WWOX: variants seen among roughly 807,000 people sequenced by gnomAD.
The protein encoded by WWOX is WW domain-containing oxidoreductase.
In WWOX, 69 loss-of-function variants were observed where a neutral mutation model predicts 46.2. The observed-to-expected ratio is 1.49, with a 90% CI of 1.23 to 1.82. WWOX has a LOEUF of 1.82. WWOX is among the 40% of genes most tolerant of loss of function. The pLI is 0.00. For missense variants in WWOX, 919 were observed against 542.6 expected, an observed-to-expected ratio of 1.69 and a Z score of -6.89; for synonymous variants, 359 against 202.6, an observed-to-expected ratio of 1.77 and a Z score of -6.56.
At chr16:78,651,846 C>A (rs899122103) in intron 8 of WWOX, among the ~76,000 whole-genome samples, 1 of 152,126 alleles carries the variant, frequency 6.6e-6, no homozygotes, top group Non-Finnish European at 1.5e-5. Context: ...CTTATTCTTT[C>A]GGAGCCTTAG....
At chr16:78,855,725 G>T (rs1381623153) in intron 8 of WWOX, among the ~76,000 whole-genome samples, 1 of 152,162 alleles carries the variant, frequency 6.6e-6, no homozygotes, top group African/African-American at 2.4e-5. Flanking sequence ...GGGGTGGAGA[G>T]AGACGCACCA....
At chr16:79,160,367 C>T (rs143659361) in intron 8 of WWOX, among the ~76,000 whole-genome samples, 32 of 152,258 alleles carry the variant, frequency 2.1e-4, no homozygotes, top group African/African-American at 7.0e-4. Flanking sequence ...TACCTAGTCC[C>T]GGCTCCACCT....
chr16:79,211,039 G>GTGTGTGTC (rs2051722553), intron 8 of WWOX, among the ~76,000 whole-genome samples: 2 of 144,748 alleles, frequency 1.4e-5, no homozygotes, highest in Admixed American at 6.8e-5. Context: ...TGAGGAGTGT[G>GTGTGTGTC]TGTGTGTGTG....
chr16:78,801,713 T>A (rs8056513), intron 8 of WWOX, among the ~76,000 whole-genome samples: 2,370 of 152,290 alleles, frequency 0.016, 53 homozygotes, highest in East Asian at 0.056. Context: ...TCCGAGCAGG[T>A]GCACCCCCAT....
intron 5 of WWOX, among the ~76,000 whole-genome samples, chr16:78,381,875 C>G (rs1235599801): frequency 1.3e-5 from 2 of 151,844 alleles, no homozygotes; most frequent in Non-Finnish European, 2.9e-5. Context: ...TTTTTCTTTT[C>G]CTTTTTTACT....
chr16:78,281,509 G>T (rs1417638763), intron 5 of WWOX, among the ~76,000 whole-genome samples: 1 of 152,196 alleles, frequency 6.6e-6, no homozygotes, highest in Non-Finnish European at 1.5e-5. Flanking sequence ...GAAGTTTTGT[G>T]CAAGAGTCAG....
At chr16:78,119,310 G>A (rs966439608) in intron 4 of WWOX, among the ~76,000 whole-genome samples, 5 of 152,310 alleles carry the variant, frequency 3.3e-5, no homozygotes, top group African/African-American at 9.6e-5. Context: ...TTTTAGGCGA[G>A]GGAATTTCGC....
Position 79,080,267 on chromosome 16 carries a change from C to A in WWOX, c.1057-131341C>A, listed in dbSNP as rs140224649. Among the ~76,000 whole-genome samples the A allele has an allele frequency of 1.7e-3, 257 of 152,274 alleles. 1 individual carries two copies. Among genetic ancestry groups the A allele is most frequent in the African/African-American group, 5.9e-3 (247 of 41,546 alleles). On this transcript the variant is annotated intron_variant, in intron 8 of 8. Coordinates refer to ENST00000566780, the MANE Select transcript of WWOX (RefSeq NM_016373.4). ...AGAGACAGAAACCCACACAGGAGTC[C>A]TTTTCTCTGTCTCTCATCTCTGCTT...
chr16:78,541,525 T>C (rs893706659), intron 8 of WWOX, among the ~76,000 whole-genome samples: 2 of 129,252 alleles, frequency 1.5e-5, no homozygotes, highest in Non-Finnish European at 3.3e-5. Flanking sequence ...CACAGACAAA[T>C]GTTCTGACAG....
At chr16:78,728,998 T>C (rs2048900303) in intron 8 of WWOX, among the ~76,000 whole-genome samples, 1 of 152,034 alleles carries the variant, frequency 6.6e-6, no homozygotes, top group South Asian at 2.1e-4. Context: ...AAAAGTGTAG[T>C]GGTTTGTAGG....
At position 79,089,000 on chromosome 16, in the gene WWOX, A is replaced by G. The variant is rs374498691; in HGVS notation, c.1057-122608A>G. On this transcript the variant is annotated intron_variant, in intron 8 of 8. Transcript: ENST00000566780. ...AGGATGAACTCAATGTACCTTGAAC[A>G]TAGCTGTTGTCAGGAATGAAGCCAA... 1.3e-4 allele frequency among the ~76,000 whole-genome samples: 20 copies of G among 152,190 alleles called. No homozygotes were observed. In the East Asian group the frequency reaches 1.3e-3, roughly 10 times the overall value.
chr16:78,131,113 G>C (rs1457747185), intron 4 of WWOX, among the ~76,000 whole-genome samples: 1 of 152,174 alleles, frequency 6.6e-6, no homozygotes, highest in Non-Finnish European at 1.5e-5. Context: ...GTAATCTTAT[G>C]GGACCGCCGT....
intron 5 of WWOX, among the ~76,000 whole-genome samples, chr16:78,336,113 A>G (rs973334019): frequency 6.6e-6 from 1 of 151,902 alleles, no homozygotes; most frequent in African/African-American, 2.4e-5. Flanking sequence ...AACAAAAAAA[A>G]CCAAAAGACT....
At chr16:78,120,231 G>T (rs1463190566) in intron 4 of WWOX, among the ~76,000 whole-genome samples, 1 of 152,098 alleles carries the variant, frequency 6.6e-6, no homozygotes, top group Non-Finnish European at 1.5e-5. Flanking sequence ...ACGTGCTCAA[G>T]GTATTGGTCA....
At chr16:79,131,520 T>A (rs1308246771) in intron 8 of WWOX, among the ~76,000 whole-genome samples, 1 of 152,130 alleles carries the variant, frequency 6.6e-6, no homozygotes, top group African/African-American at 2.4e-5. Context: ...CCAGGAAAGT[T>A]GAGAGTTGAG....
intron 5 of WWOX, among the ~76,000 whole-genome samples, chr16:78,385,027 G>A (rs1004905367): frequency 2.0e-5 from 3 of 151,976 alleles, no homozygotes; most frequent in Non-Finnish European, 2.9e-5. Context: ...CCAGCTAGTC[G>A]GGAGGCTGAG....
intron 8 of WWOX, among the ~76,000 whole-genome samples, chr16:79,049,878 G>A (rs1278989228): frequency 6.6e-6 from 1 of 150,408 alleles, no homozygotes; most frequent in Non-Finnish European, 1.5e-5. Context: ...AAAATATGAA[G>A]AGTGAGCAGT....
intron 8 of WWOX, among the ~76,000 whole-genome samples, chr16:78,664,272 C>A (rs1268158974): frequency 1.3e-5 from 2 of 152,190 alleles, no homozygotes; most frequent in Admixed American, 6.5e-5. Flanking sequence ...CACTGGACCA[C>A]AAGCCCCTAA....
intron 8 of WWOX, among the ~76,000 whole-genome samples, chr16:78,939,898 T>C (rs2045817589): frequency 6.6e-6 from 1 of 152,244 alleles, no homozygotes. Context: ...GTACATGCTT[T>C]TGCTCAAGTT....
Sources: allele counts gnomAD v4.1 joint callset (sites outside exome capture counted in the v4.1 genomes callset), GRCh38; gene constraint gnomAD v4.1.1; transcripts MANE v1.5; gene names NCBI Gene and HGNC (gene_info 2026-07-23, HGNC 2026-07-21).